The following PPP2R2B variants were observed in gnomAD, a reference collection of about 807,000 sequenced individuals.
PPP2R2B encodes the protein serine/threonine-protein phosphatase 2A 55 kDa regulatory subunit B beta isoform.
PPP2R2B carries 5 observed loss-of-function variants against 46.0 expected under a neutral mutation model. The observed-to-expected ratio is 0.11, with a 90% CI of 0.06 to 0.23. The LOEUF (loss-of-function observed/expected upper bound fraction) is 0.23, where lower values mean the gene tolerates loss of function less well. PPP2R2B is among the 10% of genes least tolerant of loss of function. The probability of loss-of-function intolerance (pLI) is 1.00; values close to 1 mark genes in which losing one functional copy is unlikely to be tolerated. For synonymous variants in PPP2R2B, 215 were observed against 206.7 expected (o/e 1.04, Z -0.34); for missense variants, 367 against 575.0 (o/e 0.64, Z 3.70).
At chr5:146,979,130 T>C (rs992473231) in intron 1 of PPP2R2B, among the ~76,000 whole-genome samples, 3 of 152,190 alleles carry the variant, frequency 2.0e-5, no homozygotes, top group Non-Finnish European at 4.4e-5. Context: ...ATAGGACATA[T>C]ACGCTTCTAC....
intron 1 of PPP2R2B, chr5:146,922,241 T>G (rs1763632636): frequency 6.6e-6 from 1 of 152,214 alleles, no homozygotes; most frequent in Admixed American, 6.5e-5. Flanking sequence ...CCTTTGCAGT[T>G]TCTACTTTTC....
In PPP2R2B at chr5:146,623,372, T is replaced by G. The variant is rs190677004; in HGVS notation, c.790+14879A>C. ...TTTCATATTCAATTGAAAATGAACT[T>G]TATATTAGAAACATTTCATAATTTT... is the stretch of plus-strand genomic sequence containing the variant. On this transcript the variant is annotated intron_variant, in intron 7 of 9. Transcript: ENST00000394411. Among the ~76,000 whole-genome samples the G allele has an allele frequency of 1.0e-3, 153 of 152,364 alleles. 1 individual carries two copies. Among genetic ancestry groups the G allele is most frequent in the African/African-American group, 3.5e-3 (146 of 41,598 alleles).
At chr5:146,834,322 G>A (rs1307711169) in intron 2 of PPP2R2B, among the ~76,000 whole-genome samples, 1 of 152,166 alleles carries the variant, frequency 6.6e-6, no homozygotes, top group Non-Finnish European at 1.5e-5. Flanking sequence ...TGGGTGACTT[G>A]ACTAAAGTTA....
At chr5:146,653,173 G>T (rs556595614) in intron 5 of PPP2R2B, among the ~76,000 whole-genome samples, 1 of 152,288 alleles carries the variant, frequency 6.6e-6, no homozygotes, top group East Asian at 1.9e-4. Flanking sequence ...GCTACAGGAA[G>T]CATAGCTAGG....
rs370238930 is a variant in PPP2R2B, at chr5:146,587,930, A to T, written c.*2017T>A. 2.3e-4 allele frequency: 35 copies of T among 152,368 alleles called. No individual in the cohort carries two copies. Among genetic ancestry groups the T allele is most frequent in the African/African-American group, 7.9e-4 (33 of 41,586 alleles). 9.4% of individuals were successfully genotyped at this position (152,368 alleles called of 1,614,324 possible). ...GGTCCCAACCCCCGACGTGGTACAG[A>T]CAGAGGAGCTGAGTCCGGAGAAGTG... On this transcript the variant is annotated 3_prime_UTR_variant, in exon 10 of 10. Transcript: ENST00000394411.
chr5:146,632,423 T>C (rs1450171854), intron 7 of PPP2R2B, among the ~76,000 whole-genome samples: 1 of 152,218 alleles, frequency 6.6e-6, no homozygotes, highest in Non-Finnish European at 1.5e-5. Context: ...CATGGTACTT[T>C]GTTGCAGCAG....
At chr5:146,745,007 A>G (rs1753087605) in intron 2 of PPP2R2B, among the ~76,000 whole-genome samples, 1 of 152,182 alleles carries the variant, frequency 6.6e-6, no homozygotes, top group African/African-American at 2.4e-5. Flanking sequence ...TAAATTGTCC[A>G]TTCCCAGTTC....
chr5:147,039,327 T>C (rs1026827498), intron 1 of PPP2R2B, among the ~76,000 whole-genome samples: 9 of 152,188 alleles, frequency 5.9e-5, no homozygotes, highest in Non-Finnish European at 8.8e-5. Flanking sequence ...GCAAGTGCCA[T>C]GAGGTGGGTG....
chr5:146,841,904 A>C (rs991033679), intron 2 of PPP2R2B, among the ~76,000 whole-genome samples: 2 of 152,224 alleles, frequency 1.3e-5, no homozygotes, highest in Non-Finnish European at 2.9e-5. Flanking sequence ...CACGTTCTGC[A>C]CATGTATCCC....
chr5:146,970,456 C>T (rs149096933), intron 1 of PPP2R2B, among the ~76,000 whole-genome samples: 24 of 152,098 alleles, frequency 1.6e-4, no homozygotes, highest in Non-Finnish European at 2.9e-4. Context: ...ATTAGCCATG[C>T]GTGGTGGCGG....
At chr5:146,702,984 A>C (rs2151169827) in intron 2 of PPP2R2B, among the ~76,000 whole-genome samples, 1 of 152,338 alleles carries the variant, frequency 6.6e-6, no homozygotes, top group African/African-American at 2.4e-5. Context: ...AGAAAGCCAG[A>C]CACCTCAAGT....
At chr5:147,075,383 T>C (rs1045437049) in intron 2 of PPP2R2B, among the ~76,000 whole-genome samples, 1 of 152,140 alleles carries the variant, frequency 6.6e-6, no homozygotes, top group Non-Finnish European at 1.5e-5. Context: ...ACAAATTGTT[T>C]GTTGACTGCA....
intron 1 of PPP2R2B, among the ~76,000 whole-genome samples, chr5:146,895,388 T>C (rs1245916805): frequency 6.6e-6 from 1 of 152,230 alleles, no homozygotes; most frequent in Admixed American, 6.5e-5. Context: ...TGAATGTTTA[T>C]TTAGCAAAAG....
chr5:146,648,689 G>A (rs1263873374), intron 6 of PPP2R2B, among the ~76,000 whole-genome samples: 1 of 152,156 alleles, frequency 6.6e-6, no homozygotes, highest in Non-Finnish European at 1.5e-5. Context: ...GTTATTGGTA[G>A]CTACTTAAGA....
chr5:146,615,679 C>G (rs1773103552), intron 7 of PPP2R2B, among the ~76,000 whole-genome samples: 1 of 151,866 alleles, frequency 6.6e-6, no homozygotes, highest in African/African-American at 2.4e-5. Context: ...ATTTAACTTA[C>G]TTACCCAGAG....
intron 2 of PPP2R2B, among the ~76,000 whole-genome samples, chr5:146,801,951 A>T (rs1438089031): frequency 6.6e-6 from 1 of 152,224 alleles, no homozygotes; most frequent in East Asian, 1.9e-4. Context: ...GAGCAGCTGC[A>T]TGTGTCTGTC....
At chr5:146,694,188 A>G (rs1341091850) in intron 4 of PPP2R2B, among the ~76,000 whole-genome samples, 5 of 152,190 alleles carry the variant, frequency 3.3e-5, no homozygotes, top group African/African-American at 4.8e-5. Flanking sequence ...TCTGGGCATC[A>G]CTTGGGCTGC....
At chr5:147,035,553 A>G (rs1440867425) in intron 1 of PPP2R2B, among the ~76,000 whole-genome samples, 1 of 152,184 alleles carries the variant, frequency 6.6e-6, no homozygotes, top group East Asian at 1.9e-4. Context: ...GTTCAGGAAA[A>G]TCAGAAAGAC....
At chr5:146,956,714 C>T (rs935888558) in intron 1 of PPP2R2B, among the ~76,000 whole-genome samples, 3 of 152,100 alleles carry the variant, frequency 2.0e-5, no homozygotes, top group Admixed American at 1.3e-4. Context: ...AGACTGAGTG[C>T]CTTAAACAAC....
Sources: allele counts gnomAD v4.1 joint callset (sites outside exome capture counted in the v4.1 genomes callset), GRCh38; gene constraint gnomAD v4.1.1; transcripts MANE v1.5; gene names NCBI Gene and HGNC (gene_info 2026-07-23, HGNC 2026-07-21).